AGBL1: variants seen among roughly 807,000 people sequenced by gnomAD.
AGBL1 encodes the protein AGBL carboxypeptidase 1.
Under a neutral mutation model 118.9 loss-of-function variants are expected in AGBL1, and 130 were observed. The observed-to-expected ratio is 1.09, with a 90% CI of 0.95 to 1.26. The LOEUF (loss-of-function observed/expected upper bound fraction) is 1.26. Ranked by LOEUF, AGBL1 falls within the 50% of genes most tolerant of loss-of-function variation. The probability of loss-of-function intolerance (pLI) is 0.00; values close to 1 mark genes in which losing one functional copy is unlikely to be tolerated. For missense variants in AGBL1, 1,584 were observed against 1,298.1 expected (o/e 1.22, Z -3.38); for synonymous variants, 555 against 478.9 (o/e 1.16, Z -2.08).
chr15:86,863,886 C>A (rs757574395), intron 22 of AGBL1, among the ~76,000 whole-genome samples: 4 of 152,064 alleles, frequency 2.6e-5, no homozygotes, highest in Non-Finnish European at 5.9e-5. Context: ...TTATAAGAAC[C>A]ATTTCATAGG....
At chr15:86,512,877 C>T (rs1359346964) in intron 18 of AGBL1, among the ~76,000 whole-genome samples, 1 of 151,312 alleles carries the variant, frequency 6.6e-6, no homozygotes, top group Non-Finnish European at 1.5e-5. Context: ...CATTTATTAT[C>T]ACCTAATTTT....
At chr15:86,881,942 G>A (rs2079897625) in intron 22 of AGBL1, among the ~76,000 whole-genome samples, 1 of 152,150 alleles carries the variant, frequency 6.6e-6, no homozygotes, top group African/African-American at 2.4e-5. Flanking sequence ...CTGTCCCCAC[G>A]ATCCAATCGC....
intron 23 of AGBL1, among the ~76,000 whole-genome samples, chr15:86,975,933 A>AG (rs34335722): frequency 0.79 from 119,346 of 152,028 alleles, 46,952 homozygotes; most frequent in South Asian, 0.9. Context: ...ATGACAGCAG[A>AG]GCAGTTTAAC....
At chr15:86,369,844 C>G (rs2080946136) in intron 17 of AGBL1, among the ~76,000 whole-genome samples, 1 of 151,976 alleles carries the variant, frequency 6.6e-6, no homozygotes, top group Non-Finnish European at 1.5e-5. Flanking sequence ...CCCCTACCAA[C>G]AGAACAAAAA....
At chr15:86,290,063 T>C (rs536872947) in intron 16 of AGBL1, among the ~76,000 whole-genome samples, 55 of 152,350 alleles carry the variant, frequency 3.6e-4, no homozygotes, top group African/African-American at 1.3e-3. Context: ...ACTATATCGA[T>C]GTAAGTTGAA....
At chr15:86,627,560 A>G (rs1180796018) in intron 21 of AGBL1, among the ~76,000 whole-genome samples, 2 of 152,218 alleles carry the variant, frequency 1.3e-5, no homozygotes, top group Non-Finnish European at 2.9e-5. Flanking sequence ...AGGTGCTGTT[A>G]GGATAAGCAG....
chr15:86,688,955 A>C (rs916355725), intron 22 of AGBL1, among the ~76,000 whole-genome samples: 1 of 152,134 alleles, frequency 6.6e-6, no homozygotes, highest in Non-Finnish European at 1.5e-5. Flanking sequence ...TGTCAATGGA[A>C]TCATATGGTA....
At chr15:86,691,456 T>C (rs1366508033) in intron 22 of AGBL1, among the ~76,000 whole-genome samples, 2 of 152,128 alleles carry the variant, frequency 1.3e-5, no homozygotes, top group Non-Finnish European at 2.9e-5. Flanking sequence ...TTTCTCTGCA[T>C]TGGCCAATTA....
At chr15:86,683,584 G>A (rs188512579) in intron 22 of AGBL1, among the ~76,000 whole-genome samples, 4 of 152,204 alleles carry the variant, frequency 2.6e-5, no homozygotes, top group African/African-American at 7.2e-5. Flanking sequence ...AGTCAACATG[G>A]GGGATCTCAT....
At chr15:86,292,913 T>C (rs2079570332) in intron 16 of AGBL1, among the ~76,000 whole-genome samples, 3 of 152,188 alleles carry the variant, frequency 2.0e-5, no homozygotes, top group Admixed American at 1.3e-4. Flanking sequence ...TGGGGAATAA[T>C]AGTCATGTTA....
chr15:86,206,860 G>A (rs1026629646), intron 5 of AGBL1, among the ~76,000 whole-genome samples: 25 of 152,114 alleles, frequency 1.6e-4, no homozygotes, highest in African/African-American at 6.0e-4. Flanking sequence ...ATTGCTTTTG[G>A]TGTTTTAGTT....
intron 22 of AGBL1, among the ~76,000 whole-genome samples, chr15:86,719,947 G>A (rs1390925710): frequency 1.3e-5 from 2 of 152,196 alleles, no homozygotes; most frequent in African/African-American, 4.8e-5. Flanking sequence ...GGATTCTCAA[G>A]CTCCTTAGCC....
intron 22 of AGBL1, among the ~76,000 whole-genome samples, chr15:86,777,197 G>A (rs1056675494): frequency 3.0e-4 from 45 of 151,834 alleles, no homozygotes; most frequent in African/African-American, 1.0e-3. Flanking sequence ...TACATGAGGG[G>A]GTTGTTTCTT....
At position 86,794,954 on chromosome 15, in the gene AGBL1, A is replaced by AC. The variant is rs1567177471; in HGVS notation, c.3159-112130dup. 1.4e-4 allele frequency among the ~76,000 whole-genome samples: 21 copies of AC among 152,304 alleles called. No homozygotes were observed. In the South Asian group the frequency reaches 4.4e-3, roughly 32 times the overall value. ...ACAGAAAGTTCCTAATTAGAAGGCC[A>AC]CCCGGGGGGACCAGCACCTGTCAAA... is the stretch of plus-strand genomic sequence containing the variant. On this transcript the variant is annotated intron_variant, in intron 22 of 22. Transcript: ENST00000614907.
intron 22 of AGBL1, among the ~76,000 whole-genome samples, chr15:86,807,304 G>A (rs1049943023): frequency 6.6e-6 from 1 of 152,026 alleles, no homozygotes; most frequent in Admixed American, 6.6e-5. Flanking sequence ...CATTTACTGT[G>A]ACCTACAAAT....
intron 1 of AGBL1, among the ~76,000 whole-genome samples, chr15:86,128,349 G>A (rs1466615446): frequency 6.6e-6 from 1 of 152,068 alleles, no homozygotes; most frequent in Non-Finnish European, 1.5e-5. Context: ...CCACCCCCAT[G>A]ATTCAATGAT....
chr15:86,445,268 A>G (rs565919617), intron 18 of AGBL1, among the ~76,000 whole-genome samples: 4 of 152,224 alleles, frequency 2.6e-5, no homozygotes, highest in Non-Finnish European at 4.4e-5. Context: ...AGAAATCCAT[A>G]AAGTGTGTGA....
chr15:86,079,908 G>A lies in AGBL1; in HGVS notation c.-65G>A, dbSNP rs1895152652. 2.5e-6 allele frequency: 3 copies of A among 1,192,212 alleles called. No homozygotes were observed. The East Asian group carries it at 9.5e-5, about 38-fold the overall frequency. The allele number at this position is 1,192,212 out of a possible 1,614,324, so 73.9% of individuals were successfully genotyped here. On this transcript the variant is annotated 5_prime_UTR_variant, in exon 1 of 23. Transcript: ENST00000614907. ...CGAGGCGGGCAGCGAGGTCAGCTTGGCAGCCGCTGCCTCTCCAGCCTGGAT... is the reference window on the plus strand; with the variant it reads ...CGAGGCGGGCAGCGAGGTCAGCTTGACAGCCGCTGCCTCTCCAGCCTGGAT...
intron 18 of AGBL1, among the ~76,000 whole-genome samples, chr15:86,502,512 A>C (rs778844868): frequency 6.6e-6 from 1 of 151,520 alleles, no homozygotes; most frequent in Non-Finnish European, 1.5e-5. Flanking sequence ...GCTCATTCCA[A>C]ATCTTGGCAG....
Sources: gnomAD v4.1 joint callset for allele counts (sites outside exome capture counted in the v4.1 genomes callset) on GRCh38, gnomAD v4.1.1 for gene constraint, MANE v1.5 for transcripts, NCBI Gene and HGNC (gene_info 2026-07-23, HGNC 2026-07-21) for gene names.